Variants in ZCCHC2 observed in about 807,000 individuals in gnomAD.
ZCCHC2 encodes the protein zinc finger CCHC-type containing 2.
Under a neutral mutation model 103.6 loss-of-function variants are expected in ZCCHC2, and 39 were observed. The observed-to-expected ratio is 0.38, with a 90% CI of 0.29 to 0.49. The LOEUF is 0.49. ZCCHC2 is among the 20% of genes least tolerant of loss of function. ZCCHC2 has a pLI of 0.96. For synonymous variants in ZCCHC2, 687 were observed against 608.9 expected, an observed-to-expected ratio of 1.13 and a Z score of -1.89; for missense variants, 1,483 against 1,491.0, an observed-to-expected ratio of 0.99 and a Z score of 0.09.
Position 62,550,339 on chromosome 18 carries a change from C to G in ZCCHC2, c.1201-9C>G, listed in dbSNP as rs764303793. ...CTTAACATTGGATATTGTGGTTTTT[C>G]TTTTCTAGCTTCCAAAGGAACTGTC... On this transcript the variant is annotated splice_polypyrimidine_tract_variant and intron_variant, in intron 4 of 13. Transcript: ENST00000269499. 1 of 1,601,970 alleles carries G rather than the reference C, an allele frequency of 6.2e-7. No individual in the cohort carries two copies.
intron 1 of ZCCHC2, among the ~76,000 whole-genome samples, chr18:62,537,348 C>A (rs1914974317): frequency 6.6e-6 from 1 of 151,988 alleles, no homozygotes; most frequent in African/African-American, 2.4e-5. Flanking sequence ...AAAAAAAATT[C>A]TTTTGTAGCG....
chr18:62,577,063 C>G lies in ZCCHC2; in HGVS notation c.*484C>G, dbSNP rs2145540397. 6.2e-6 allele frequency: 1 copy of G among 160,126 alleles called. No individual in the cohort carries two copies. Among genetic ancestry groups the G allele is most frequent in the East Asian group, 1.8e-4 (1 of 5,440 alleles). 9.9% of individuals were successfully genotyped at this position (160,126 alleles called of 1,614,324 possible). On this transcript the variant is annotated 3_prime_UTR_variant, in exon 14 of 14. Transcript: ENST00000269499. The stretch of plus-strand genomic sequence containing the variant: ...GTCTCCGGCCCGCAGCAGGAGCAGC[C>G]AGCAGTGCATTCACCCCACTTTTGT...
intron 4 of ZCCHC2, among the ~76,000 whole-genome samples, 193 bp downstream of exon 4, chr18:62,545,066 G>A (rs966597629): frequency 1.6e-4 from 25 of 152,218 alleles, no homozygotes; most frequent in African/African-American, 5.8e-4. Context: ...CCAACATAAG[G>A]AAATGACGAA....
At chr18:62,544,678 T>C in intron 3 of ZCCHC2, 124 bp from the exon 4 acceptor site, 1 of 736,216 alleles carries the variant, frequency 1.4e-6, no homozygotes, top group Non-Finnish European at 2.1e-6. Flanking sequence ...AGATTAACTT[T>C]ATATTTCTAA....
intron 11 of ZCCHC2, among the ~76,000 whole-genome samples, chr18:62,567,844 C>T (rs1205447472): frequency 1.3e-5 from 2 of 149,434 alleles, no homozygotes; most frequent in East Asian, 4.0e-4. Context: ...ACTCGGGAGA[C>T]TGAGGCAGGA....
chr18:62,541,915 T>A (rs761464497), intron 2 of ZCCHC2, among the ~76,000 whole-genome samples: 3 of 152,186 alleles, frequency 2.0e-5, no homozygotes, highest in Non-Finnish European at 2.9e-5. Flanking sequence ...TGTAAAAAAA[T>A]TTTGCCACAA....
At chr18:62,558,500 T>C (rs2145516307) in intron 6 of ZCCHC2, 187 bp from the exon 7 acceptor site, 1 of 376,542 alleles carries the variant, frequency 2.7e-6, no homozygotes. Flanking sequence ...ACAGCTGGCC[T>C]CTTGAACACG....
intron 1 of ZCCHC2, among the ~76,000 whole-genome samples, chr18:62,536,483 A>C (rs1483751082): frequency 6.6e-6 from 1 of 152,190 alleles, no homozygotes; most frequent in Non-Finnish European, 1.5e-5. Flanking sequence ...GGGAATCTGA[A>C]CTTAACAGAT....
chr18:62,556,564 G>A (rs1915892732), intron 6 of ZCCHC2, among the ~76,000 whole-genome samples: 1 of 152,120 alleles, frequency 6.6e-6, no homozygotes, highest in Admixed American at 6.6e-5. Context: ...TCCTGGGCAG[G>A]AACTGTTCCC....
intron 11 of ZCCHC2, among the ~76,000 whole-genome samples, chr18:62,566,410 A>G (rs1488074546): frequency 6.6e-6 from 1 of 152,206 alleles, no homozygotes; most frequent in African/African-American, 2.4e-5. Flanking sequence ...ATGGCAGCTT[A>G]ACGGAGGAGG....
intron 1 of ZCCHC2, among the ~76,000 whole-genome samples, chr18:62,535,923 TAAA>T (rs780543115): frequency 1.3e-5 from 2 of 152,216 alleles, no homozygotes; most frequent in Admixed American, 1.3e-4. Flanking sequence ...TTTTAAAAAA[TAAA>T]AAACTCTTAC....
intron 4 of ZCCHC2, among the ~76,000 whole-genome samples, chr18:62,549,628 A>G (rs1001760558): frequency 1.4e-4 from 22 of 152,248 alleles, no homozygotes; most frequent in African/African-American, 5.1e-4. Context: ...AAAGACTTGG[A>G]AAGTTGGCTT....
chr18:62,548,133 T>G (rs1915496436), intron 4 of ZCCHC2, among the ~76,000 whole-genome samples: 1 of 152,148 alleles, frequency 6.6e-6, no homozygotes, highest in Non-Finnish European at 1.5e-5. Flanking sequence ...TCTGAACTAG[T>G]TCTGAGGCTG....
At chr18:62,568,978 C>G (rs182019926) in intron 11 of ZCCHC2, among the ~76,000 whole-genome samples, 306 of 152,284 alleles carry the variant, frequency 2.0e-3, no homozygotes, top group African/African-American at 7.2e-3. Context: ...AGGTATCCTC[C>G]AGGTAACTTT....
At position 62,523,376 on chromosome 18, in the gene ZCCHC2, G is replaced by GCGCCCCCC; in HGVS notation, c.-48_-47insGCCCCCCC. 1.1e-5 allele frequency: 11 copies of GCGCCCCCC among 1,012,332 alleles called. No individual in the cohort carries two copies. Among genetic ancestry groups the GCGCCCCCC allele is most frequent in the African/African-American group, 1.8e-5 (1 of 56,958 alleles). 62.7% of individuals were successfully genotyped at this position (1,012,332 alleles called of 1,614,324 possible). A position where few individuals can be genotyped will look rare whatever the true frequency, so the allele number is the denominator to read the frequency against. ...GCCTCGGCCCGTGCTCCACCTCGCG[G>GCGCCCCCC]CCCCTCCCGCCCGCCCCCGCTCGCA... On this transcript the variant is annotated 5_prime_UTR_variant, in exon 1 of 14. Coordinates refer to ENST00000269499, the MANE Select transcript of ZCCHC2 (RefSeq NM_017742.6).
At chr18:62,580,026 C>T (rs761284124), downstream of ZCCHC2, among the ~76,000 whole-genome samples, 2 of 152,218 alleles carry the variant, frequency 1.3e-5, no homozygotes, top group Non-Finnish European at 1.5e-5. Flanking sequence ...CCACTGCGCC[C>T]GGCCTTCTGT....
Position 62,564,023 on chromosome 18 carries a change from A to G in ZCCHC2, c.1687-548A>G, listed in dbSNP as rs140937419. On this transcript the variant is annotated intron_variant, in intron 9 of 13. Coordinates refer to ENST00000269499, the MANE Select transcript of ZCCHC2 (RefSeq NM_017742.6). Reference sequence around the variant, plus strand: ...AAACTTCTCTCTAGAAAATTGATTCATTAACCCGATGTTGTCCCTGGCCAA... The same window carrying G: ...AAACTTCTCTCTAGAAAATTGATTCGTTAACCCGATGTTGTCCCTGGCCAA... Among the ~76,000 whole-genome samples the G allele has an allele frequency of 1.1e-4, 17 of 152,326 alleles. No homozygotes were observed. The East Asian group carries it at 3.3e-3, about 29-fold the overall frequency.
rs866334998 is a variant in ZCCHC2, at chr18:62,575,445, G to T, written c.3364G>T (p.Gly1122Cys). Residue 1122 changes from glycine (G) to cysteine (C), a missense_variant, in exon 13 of 14, where the codon GGT becomes TGT. Coordinates refer to ENST00000269499, the MANE Select transcript of ZCCHC2 (RefSeq NM_017742.6). ...ACCTAACGTAGTTGCCAACACCAGTGGTTCGGGGCCCAAGAAGAATGGGAA... is the reference window on the plus strand; with the variant it reads ...ACCTAACGTAGTTGCCAACACCAGTTGTTCGGGGCCCAAGAAGAATGGGAA... ...PAPNVVANTSGSGPKKNGNVS... is the reference protein window; with the variant it reads ...PAPNVVANTSCSGPKKNGNVS... 1.5e-5 allele frequency: 24 copies of T among 1,613,892 alleles called. No homozygotes were observed. The Middle Eastern group carries it at 6.6e-4, about 44-fold the overall frequency.
chr18:62,586,045 C>T (rs1917162410), exon 15 of ZCCHC2: 1 of 151,758 alleles, frequency 6.6e-6, no homozygotes, highest in Non-Finnish European at 1.5e-5. Context: ...AGGCGGGACT[C>T]CCGGGCAGGC....
Sources: allele counts gnomAD v4.1 joint callset (sites outside exome capture counted in the v4.1 genomes callset), GRCh38; gene constraint gnomAD v4.1.1; transcripts MANE v1.5; gene names NCBI Gene and HGNC (gene_info 2026-07-23, HGNC 2026-07-21).